The following TRPM5 variants were observed in gnomAD, a reference collection of about 807,000 sequenced individuals.
TRPM5 encodes the protein MLSN1 and TRP-related.
In TRPM5, 121 loss-of-function variants were observed where a neutral mutation model predicts 124.9. That is an observed-to-expected ratio of 0.97 (90% CI 0.84 to 1.13). The LOEUF (loss-of-function observed/expected upper bound fraction) is 1.13. Ranked by LOEUF, TRPM5 falls within the 50% of genes most tolerant of loss-of-function variation. TRPM5 has a pLI of 0.00. For missense variants in TRPM5, 1,643 were observed against 1,589.1 expected (o/e 1.03, Z -0.58); for synonymous variants, 781 against 700.5 (o/e 1.11, Z -1.81).
At chr11:2,416,392 C>G (rs923716946) in intron 7 of TRPM5, among the ~76,000 whole-genome samples, 9 of 152,168 alleles carry the variant, frequency 5.9e-5, no homozygotes, top group Non-Finnish European at 1.2e-4. Context: ...CACGTTTCCT[C>G]CACGGGCAAG....
chr11:2,417,093 T>TG (rs972406520), intron 7 of TRPM5, among the ~76,000 whole-genome samples: 4 of 152,148 alleles, frequency 2.6e-5, no homozygotes, highest in Admixed American at 6.5e-5. Flanking sequence ...GGGCTCTTTC[T>TG]GGGGCGATGA....
At chr11:2,436,828 TGAG>T in the TRPM5 span, among the ~76,000 whole-genome samples, 11 of 152,334 alleles carry the variant, frequency 7.2e-5, no homozygotes, top group Admixed American at 3.3e-4. Context: ...ACAGGGAGCA[TGAG>T]ACCAGCTCAG....
chr11:2,422,896 C>T (rs1845791826), intron 1 of TRPM5, 24 bp downstream of exon 6: 3 of 1,598,976 alleles, frequency 1.9e-6, no homozygotes, highest in Non-Finnish European at 2.6e-6. Flanking sequence ...CGGACATCAC[C>T]TGAGGCCTGG....
chr11:2,428,739 G>A, the TRPM5 span, among the ~76,000 whole-genome samples: 3 of 151,548 alleles, frequency 2.0e-5, no homozygotes, highest in Non-Finnish European at 4.4e-5. The surrounding 1 kb of genome is among the most constrained non-coding windows in gnomAD (Gnocchi z 4.0). Context: ...TGTTGTTGAT[G>A]GTATTAGTGC....
At position 2,415,901 on chromosome 11, in the gene TRPM5, G is replaced by A. The variant is rs1194251077; in HGVS notation, c.1128+5C>T. The stretch of plus-strand genomic sequence containing the variant: ...GGGAGGTGGGTAGGCAGGGCTGGGA[G>A]GCACCTTCCACTCCACGTCCCCATT... On this transcript the variant is annotated splice_donor_5th_base_variant and intron_variant, in intron 8 of 23. Transcript: ENST00000155858. 11 of 1,562,674 alleles carry A rather than the reference G, an allele frequency of 7.0e-6. No homozygotes were observed. Among genetic ancestry groups the A allele is most frequent in the Non-Finnish European group, 7.8e-6 (9 of 1,150,748 alleles).
chr11:2,410,054 C>T (rs919332236), intron 18 of TRPM5, among the ~76,000 whole-genome samples: 1 of 152,158 alleles, frequency 6.6e-6, no homozygotes, highest in African/African-American at 2.4e-5. Context: ...CCCGAGGGGC[C>T]CTGCGGACGG....
rs767877299 is a variant in TRPM5 at position 2,415,859 on chromosome 11, C to T, written c.1128+47G>A. On this transcript the variant is annotated intron_variant, in intron 8 of 23. Transcript: ENST00000155858. ...GCAGGAGCAGGCAGCGTGGGCAGCT[C>T]GGGCAGTGCCATGATGGGGAGGTGG... 20 of 1,385,422 alleles carry T rather than the reference C, an allele frequency of 1.4e-5. No individual in the cohort carries two copies. In the East Asian group the frequency reaches 1.5e-4, roughly 10 times the overall value. The allele number at this position is 1,385,422 out of a possible 1,614,324, so 85.8% of individuals were successfully genotyped here.
At chr11:2,418,305 C>G in exon 6 of TRPM5, 1 of 1,572,240 alleles carries the variant, frequency 6.4e-7, no homozygotes, top group Non-Finnish European at 8.6e-7. Context: ...CGATGCCCCC[C>G]GAGCCTACCA....
chr11:2,414,658 C>T lies in TRPM5; in HGVS notation c.1744+57G>A, dbSNP rs1306969717. 4 of 1,479,500 alleles carry T rather than the reference C, an allele frequency of 2.7e-6. No individual in the cohort carries two copies. In the East Asian group the frequency reaches 7.6e-5, roughly 28 times the overall value. The allele number at this position is 1,479,500 out of a possible 1,614,324, so 91.6% of individuals were successfully genotyped here. A position where few individuals can be genotyped will look rare whatever the true frequency, so the allele number is the denominator to read the frequency against. ...GCGAGGCCCAGGACCCTTCGTCCGA[C>T]CCCTCCGTCACATCCTCCCCCGCGC... On this transcript the variant is annotated intron_variant, in intron 11 of 23. Coordinates refer to ENST00000155858, the Ensembl canonical transcript of TRPM5.
rs199563109 is a variant in TRPM5, at chr11:2,420,413, C to A, written c.466-8G>T. The A allele has an allele frequency of 3.1e-5, 50 of 1,600,032 alleles. 1 individual carries two copies. The Admixed American group carries it at 3.5e-4, about 11-fold the overall frequency. On this transcript the variant is annotated splice_polypyrimidine_tract_variant and splice_region_variant and intron_variant, in intron 3 of 23. Transcript: ENST00000155858. ...GTGGACAGGAAAATCCTCCTGCGCC[C>A]ATGCAGGGAGACGAGGCTGAGCCCT...
intron 18 of TRPM5, among the ~76,000 whole-genome samples, chr11:2,408,114 G>A (rs975349380): frequency 2.1e-4 from 32 of 152,314 alleles, no homozygotes; most frequent in African/African-American, 7.0e-4. Context: ...AGAACCAGAC[G>A]GGTGGTGAGC....
At chr11:2,440,239 G>A in the TRPM5 span, among the ~76,000 whole-genome samples, 2 of 152,138 alleles carry the variant, frequency 1.3e-5, no homozygotes, top group Admixed American at 6.5e-5. This position sits in a 1 kb window ranked among gnomAD's most constrained non-coding sequence, Gnocchi z 5.2. Context: ...CACTATCTGG[G>A]TGATGGGATC....
Position 2,418,222 on chromosome 11 carries a change from T to C in TRPM5, c.851A>G (p.Glu284Gly), listed in dbSNP as rs757865927. ...AGAGAAATGCTTGCTGGGGAACTTC[T>C]CCTTAAACTGCTTCTCGGCCACCTT... Residue 284 changes from glutamate (E) to glycine (G), a missense_variant, in exon 6 of 24, where the codon GAG becomes GGG. Physicochemically the swap from Glu to Gly is moderately conservative, Grantham distance 98. Transcript: ENST00000155858. 3 of 1,586,184 alleles carry C rather than the reference T, an allele frequency of 1.9e-6. No homozygotes were observed. In the South Asian group the frequency reaches 3.4e-5, roughly 18 times the overall value.
chr11:2,438,391 G>A, the TRPM5 span, among the ~76,000 whole-genome samples: 1 of 152,224 alleles, frequency 6.6e-6, no homozygotes, highest in African/African-American at 2.4e-5. This position sits in a 1 kb window ranked among gnomAD's most constrained non-coding sequence, Gnocchi z 5.9. Flanking sequence ...TTGGCTGGAT[G>A]CAGTGGCTCA....
At chr11:2,419,375 A>C in intron 4 of TRPM5, among the ~76,000 whole-genome samples, 1 of 151,958 alleles carries the variant, frequency 6.6e-6, no homozygotes, top group East Asian at 1.9e-4. Context: ...TGGGAGGCCA[A>C]AGCAGGCAGA....
the TRPM5 span, among the ~76,000 whole-genome samples, chr11:2,428,479 G>A: frequency 5.3e-5 from 8 of 151,878 alleles, no homozygotes; most frequent in East Asian, 1.5e-3. This position sits in a 1 kb window ranked among gnomAD's most constrained non-coding sequence, Gnocchi z 4.0. Context: ...AGTAGTGGTG[G>A]TGGTGGTGAT....
the TRPM5 span, among the ~76,000 whole-genome samples, chr11:2,433,826 TTGTG>T: frequency 6.6e-6 from 1 of 152,050 alleles, no homozygotes; most frequent in Non-Finnish European, 1.5e-5. Context: ...TGTGTGGATG[TTGTG>T]TGTGTGTAGC....
chr11:2,434,770 G>T, the TRPM5 span, among the ~76,000 whole-genome samples: 2 of 152,098 alleles, frequency 1.3e-5, no homozygotes, highest in South Asian at 2.1e-4. Flanking sequence ...GGCTCTGCAG[G>T]TGCAGCTGGA....
At chr11:2,406,924 G>T (rs972360401) in intron 20 of TRPM5, 131 bp from the exon 26 acceptor site, 2 of 1,402,386 alleles carry the variant, frequency 1.4e-6, no homozygotes, top group Non-Finnish European at 9.5e-7. Flanking sequence ...TGGAGGGCAA[G>T]CATGGCCCTG....
Sources: gnomAD v4.1 joint callset for allele counts (sites outside exome capture counted in the v4.1 genomes callset) on GRCh38, gnomAD v4.1.1 for gene constraint, Gnocchi (gnomAD v3.1) non-coding constraint, MANE v1.5 for transcripts, NCBI Gene and HGNC (gene_info 2026-07-23, HGNC 2026-07-21) for gene names.